Variants in RAF1 observed in about 807,000 individuals in gnomAD.
RAF1 encodes the protein RAF proto-oncogene serine/threonine-protein kinase.
In RAF1, 27 loss-of-function variants were observed where a neutral mutation model predicts 81.1. That is an observed-to-expected ratio of 0.33 (90% CI 0.25 to 0.46). The LOEUF (loss-of-function observed/expected upper bound fraction) is 0.46. Among genes scored for constraint, RAF1 ranks in the 20% least tolerant of loss-of-function variants. The pLI is 1.00. For missense variants in RAF1, 598 were observed against 826.0 expected (o/e 0.72, Z 3.38); for synonymous variants, 298 against 294.0 (o/e 1.01, Z -0.14).
Position 12,663,919 on chromosome 3 carries a change from G to A in RAF1, c.-133C>T, listed in dbSNP as rs2060967559. On this transcript the variant is annotated 5_prime_UTR_variant, in exon 1 of 18. In the 5' UTR this introduces an upstream ATG that the reference lacks. Transcript: ENST00000442415. ...AGCGGGAGGCGGTCACATTCGGCGC[G>A]TCCCCAGCCCAGGGGACGGAGCCCC... 3 of 398,256 alleles carry A rather than the reference G, an allele frequency of 7.5e-6. No individual in the cohort carries two copies. The highest frequency in any genetic ancestry group is 8.9e-6 in the Non-Finnish European group (2 of 225,788). 24.7% of individuals were successfully genotyped at this position (398,256 alleles called of 1,614,324 possible).
At chr3:12,600,050 T>C in intron 10 of RAF1, 102 bp downstream of exon 9, 1 of 1,541,442 alleles carries the variant, frequency 6.5e-7, no homozygotes, top group Non-Finnish European at 8.9e-7. Context: ...TGAATGTATT[T>C]TATTAGAATC....
rs876657969 is a variant in RAF1 at position 12,608,835 on chromosome 3, T to C, written c.512A>G (p.Lys171Arg). ...TTTGGTGCTACAGTGCTCATGAAAT[T>C]TGTAGCCACAAGTCTGACATCGAAA... The change falls in exon 5 of 18, where the codon AAA becomes AGA. Residue 171 changes from lysine (K) to arginine (R), a missense_variant. Coordinates refer to ENST00000442415, the MANE Select transcript of RAF1 (RefSeq NM_001354689.3). The C allele has an allele frequency of 1.9e-6, 3 of 1,614,188 alleles. No homozygotes were observed. Among genetic ancestry groups the C allele is most frequent in the Non-Finnish European group, 1.7e-6 (2 of 1,180,020 alleles).
In RAF1 at chr3:12,585,260, G is replaced by GT; in HGVS notation, c.1597-8dup. ...TTCGGATCACCTCTGGGGCCTACAT[G>GT]TATCACCATATGACAAAAGTGCATT... On this transcript the variant is annotated splice_region_variant and splice_polypyrimidine_tract_variant and intron_variant, in intron 15 of 17. Coordinates refer to ENST00000442415, the MANE Select transcript of RAF1 (RefSeq NM_001354689.3). 6.2e-7 allele frequency: 1 copy of GT among 1,614,002 alleles called. No individual in the cohort carries two copies. The highest frequency in any genetic ancestry group is 8.5e-7 in the Non-Finnish European group (1 of 1,180,014).
At chr3:12,625,811 A>T (rs1374343856) in intron 1 of RAF1, among the ~76,000 whole-genome samples, 1 of 152,198 alleles carries the variant, frequency 6.6e-6, no homozygotes, top group African/African-American at 2.4e-5. Context: ...CCTGGGCAAC[A>T]CAGTGAGATC....
intron 1 of RAF1, among the ~76,000 whole-genome samples, chr3:12,654,108 C>T (rs1368542793): frequency 1.5e-4 from 23 of 151,842 alleles, no homozygotes; most frequent in Admixed American, 1.5e-3. Context: ...CCTCTCTCCT[C>T]AGCCTACCAA....
At chr3:12,648,980 G>A (rs2060438467) in intron 1 of RAF1, among the ~76,000 whole-genome samples, 1 of 152,152 alleles carries the variant, frequency 6.6e-6, no homozygotes, top group South Asian at 2.1e-4. Context: ...CAGGCGTGGT[G>A]GCACATGCCT....
intron 1 of RAF1, among the ~76,000 whole-genome samples, chr3:12,657,261 A>G (rs951383594): frequency 6.6e-5 from 10 of 152,188 alleles, no homozygotes; most frequent in African/African-American, 2.2e-4. Context: ...TGAGCAAGAA[A>G]GTAAGGCCAG....
At chr3:12,648,853 G>T (rs1450620951) in intron 1 of RAF1, among the ~76,000 whole-genome samples, 1 of 152,176 alleles carries the variant, frequency 6.6e-6, no homozygotes, top group African/African-American at 2.4e-5. Context: ...GGTGGCTCAC[G>T]CCTGTAATCC....
At chr3:12,612,980 G>A (rs1027086892) in intron 2 of RAF1, among the ~76,000 whole-genome samples, 1 of 152,156 alleles carries the variant, frequency 6.6e-6, no homozygotes, top group African/African-American at 2.4e-5. Context: ...CTTAACACTA[G>A]TGAAGGCAAA....
At position 12,592,731 on chromosome 3, in the gene RAF1, C is replaced by CTTTTT. The variant is rs35189562; in HGVS notation, c.1169-944_1169-940dup. Among the ~76,000 whole-genome samples the CTTTTT allele has an allele frequency of 4.5e-4, 48 of 107,220 alleles. 1 individual carries two copies. Among genetic ancestry groups the CTTTTT allele is most frequent in the African/African-American group, 1.1e-3 (30 of 26,596 alleles). 70.3% of individuals were successfully genotyped at this position (107,220 alleles called of 152,430 possible). A position where few individuals can be genotyped will look rare whatever the true frequency, so the allele number is the denominator to read the frequency against. On this transcript the variant is annotated intron_variant, in intron 11 of 17. Coordinates refer to ENST00000442415, the MANE Select transcript of RAF1 (RefSeq NM_001354689.3). ...TAGAGTGCTATAAATTTAAAAGCCA[C>CTTTTT]TTTTTTTTTTTTTTTTTTTTTTGAG...
chr3:12,641,943 C>T (rs1290906923), intron 1 of RAF1, among the ~76,000 whole-genome samples: 4 of 151,804 alleles, frequency 2.6e-5, no homozygotes, highest in African/African-American at 9.7e-5. Context: ...GTCAGGAGTT[C>T]GAGACCAGCT....
chr3:12,586,534 T>TA (rs1430505887), intron 14 of RAF1, among the ~76,000 whole-genome samples: 1 of 152,206 alleles, frequency 6.6e-6, no homozygotes, highest in Admixed American at 6.5e-5. Flanking sequence ...GTTTGGCTGC[T>TA]AAAAACCCCA....
At chr3:12,639,889 A>C (rs2060133105) in intron 1 of RAF1, among the ~76,000 whole-genome samples, 1 of 152,178 alleles carries the variant, frequency 6.6e-6, no homozygotes, top group African/African-American at 2.4e-5. Context: ...ATATGGAACC[A>C]AAAAAGAGCC....
chr3:12,624,612 G>C (rs1419303260), intron 1 of RAF1, among the ~76,000 whole-genome samples: 2 of 152,126 alleles, frequency 1.3e-5, no homozygotes, highest in Admixed American at 1.3e-4. Flanking sequence ...GCATGTGAAA[G>C]GTCTTTTAAA....
chr3:12,592,023 C>G (rs2058531202), intron 11 of RAF1: 1 of 562,500 alleles, frequency 1.8e-6, no homozygotes, highest in Non-Finnish European at 3.2e-6. Context: ...AGCAATCCTC[C>G]CACCTTGGCC....
At chr3:12,585,390 G>A in intron 15 of RAF1, 137 bp from the exon 15 acceptor site, 3 of 1,539,086 alleles carry the variant, frequency 1.9e-6, no homozygotes, top group Admixed American at 3.9e-5. Context: ...TTCCCCCAAA[G>A]GACTCCAACT....
Position 12,584,659 on chromosome 3 carries a change from T to C in RAF1, c.1864-2A>G, listed in dbSNP as rs1217392209. On this transcript the variant is annotated splice_acceptor_variant, in intron 17 of 17. Transcript: ENST00000442415. LOFTEE classifies it high-confidence loss of function. ...GAGCAGCTCAATGGAAGACAGGATCTGAAACAAAGCCCAAGAATGCTCTCA... is the reference window on the plus strand; with the variant it reads ...GAGCAGCTCAATGGAAGACAGGATCCGAAACAAAGCCCAAGAATGCTCTCA... 6.2e-7 allele frequency: 1 copy of C among 1,613,978 alleles called. No individual in the cohort carries two copies. Among genetic ancestry groups the C allele is most frequent in the Non-Finnish European group, 8.5e-7 (1 of 1,180,020 alleles).
chr3:12,650,750 G>A (rs531420943), intron 1 of RAF1, among the ~76,000 whole-genome samples: 1 of 152,298 alleles, frequency 6.6e-6, no homozygotes, highest in South Asian at 2.1e-4. Context: ...AATTGAATAT[G>A]TGCTAGGCAC....
chr3:12,649,423 C>A lies in RAF1; in HGVS notation c.-27+14390G>T, dbSNP rs1046552192. Among the ~76,000 whole-genome samples, 3 of 152,058 alleles carry A rather than the reference C, an allele frequency of 2.0e-5. No individual in the cohort carries two copies. The South Asian group carries it at 6.2e-4, about 31-fold the overall frequency. ...GACCACCCTGGTCAACAGAGTGACA[C>A]CTCATCTTTATAAAAATAAAACAAA... is the stretch of plus-strand genomic sequence containing the variant. On this transcript the variant is annotated intron_variant, in intron 1 of 17. Coordinates refer to ENST00000442415, the MANE Select transcript of RAF1 (RefSeq NM_001354689.3).
Sources: gnomAD v4.1 joint callset for allele counts (sites outside exome capture counted in the v4.1 genomes callset) on GRCh38, gnomAD v4.1.1 for gene constraint, MANE v1.5 for transcripts, NCBI Gene and HGNC (gene_info 2026-07-23, HGNC 2026-07-21) for gene names.